The following CACNB2 variants were observed in gnomAD, a reference collection of about 807,000 sequenced individuals.
CACNB2 encodes voltage-dependent L-type calcium channel subunit beta-2.
CACNB2 carries 42 observed loss-of-function variants against 73.3 expected under a neutral mutation model. The observed-to-expected ratio is 0.57, with a 90% confidence interval of 0.45 to 0.74. The LOEUF is 0.74. Ranked by LOEUF, CACNB2 falls within the 30% of genes least tolerant of loss-of-function variation. The probability of loss-of-function intolerance (pLI) is 0.00; values close to 1 mark genes in which losing one functional copy is unlikely to be tolerated. For synonymous variants in CACNB2, 348 were observed against 310.3 expected (o/e 1.12, Z -1.28); for missense variants, 940 against 853.0 (o/e 1.10, Z -1.27).
At chr10:18,160,397 C>T (rs950627850) in intron 2 of CACNB2, among the ~76,000 whole-genome samples, 1 of 152,084 alleles carries the variant, frequency 6.6e-6, no homozygotes, top group African/African-American at 2.4e-5. Flanking sequence ...CTTCAACTCT[C>T]AGATATGCTT....
intron 2 of CACNB2, among the ~76,000 whole-genome samples, chr10:18,381,708 G>C (rs978044320): frequency 6.6e-6 from 1 of 150,508 alleles, no homozygotes; most frequent in Non-Finnish European, 1.5e-5. Flanking sequence ...AAAAAAAAAG[G>C]TTCATTTTAA....
At chr10:18,538,065 G>A in intron 12 of CACNB2, 115 bp from the exon 13 acceptor site, 1 of 945,858 alleles carries the variant, frequency 1.1e-6, no homozygotes, top group East Asian at 2.4e-5. Flanking sequence ...ACTTATAGAA[G>A]CAGGAGCAAG....
chr10:18,487,861 G>T (rs1795815912), intron 3 of CACNB2, among the ~76,000 whole-genome samples: 2 of 151,694 alleles, frequency 1.3e-5, no homozygotes, highest in South Asian at 4.2e-4. Flanking sequence ...AAATGAGATA[G>T]GAAGACATAC....
At chr10:18,356,938 A>ATGTCTTTTTTTTTTTTTT (rs1436280481) in intron 2 of CACNB2, among the ~76,000 whole-genome samples, 1 of 94,444 alleles carries the variant, frequency 1.1e-5, no homozygotes, top group African/African-American at 3.8e-5. Context: ...CCCAGACTCA[A>ATGTCTTTTTTTTTTTTTT]TTTCTTTTTT....
intron 2 of CACNB2, among the ~76,000 whole-genome samples, chr10:18,208,720 C>T (rs1685713062): frequency 7.0e-6 from 1 of 143,674 alleles, no homozygotes; most frequent in Non-Finnish European, 1.6e-5. Context: ...TGGAGCCCAG[C>T]CTGAAAAAGG....
chr10:18,158,994 T>C (rs780685997), intron 2 of CACNB2, among the ~76,000 whole-genome samples: 2 of 152,170 alleles, frequency 1.3e-5, no homozygotes, highest in Non-Finnish European at 2.9e-5. Context: ...CCACTGCTTA[T>C]TTAGTGTAGT....
chr10:18,465,308 C>T (rs527463124), intron 3 of CACNB2, among the ~76,000 whole-genome samples: 37 of 152,126 alleles, frequency 2.4e-4, no homozygotes, highest in South Asian at 8.3e-4. Context: ...CCAGCCTGGG[C>T]GACAAAGCAA....
intron 3 of CACNB2, among the ~76,000 whole-genome samples, chr10:18,454,532 G>T (rs141580942): frequency 6.6e-6 from 1 of 152,146 alleles, no homozygotes; most frequent in Non-Finnish European, 1.5e-5. Flanking sequence ...AAGAACAAAC[G>T]TTTGCCCCCT....
chr10:18,439,272 G>A lies in CACNB2; in HGVS notation c.333+37229G>A, dbSNP rs1203337402. Among the ~76,000 whole-genome samples, 5 of 152,328 alleles carry A rather than the reference G, an allele frequency of 3.3e-5. No homozygotes were observed. The East Asian group carries it at 9.6e-4, about 29-fold the overall frequency. ...ATATGCGGAAGCTAATGGAAGATGA[G>A]GGTTATTTTAGTAAGGTGTGTTTCT... is the stretch of plus-strand genomic sequence containing the variant. On this transcript the variant is annotated intron_variant, in intron 3 of 13. Transcript: ENST00000324631.
intron 2 of CACNB2, among the ~76,000 whole-genome samples, chr10:18,315,112 A>AACT (rs2040111363): frequency 6.6e-6 from 1 of 152,096 alleles, no homozygotes; most frequent in Non-Finnish European, 1.5e-5. Flanking sequence ...CCGGCCGATG[A>AACT]CCTGAGGTCA....
At chr10:18,410,440 C>T (rs1268930841) in intron 3 of CACNB2, among the ~76,000 whole-genome samples, 1 of 152,192 alleles carries the variant, frequency 6.6e-6, no homozygotes, top group Non-Finnish European at 1.5e-5. Context: ...ATTCCCCTAA[C>T]TAGCCTTTGA....
At chr10:18,304,593 G>T (rs1229423911) in intron 2 of CACNB2, among the ~76,000 whole-genome samples, 2 of 152,040 alleles carry the variant, frequency 1.3e-5, no homozygotes, top group African/African-American at 4.8e-5. Flanking sequence ...CTGGCAACCA[G>T]GCTTCGTGGG....
Position 18,474,255 on chromosome 10 carries a change from A to G in CACNB2, c.334-24100A>G, listed in dbSNP as rs1439567256. On this transcript the variant is annotated intron_variant, in intron 3 of 13. Transcript: ENST00000324631. ...ACCCTGCAGACTTGCTGTTTAATGT[A>G]CAAAGAAGCCTAGGGCCGGAGGGGC... Among the ~76,000 whole-genome samples, 4 of 152,186 alleles carry G rather than the reference A, an allele frequency of 2.6e-5. No individual in the cohort carries two copies. In the East Asian group the frequency reaches 5.8e-4, roughly 22 times the overall value.
chr10:18,205,962 C>T, intron 2 of CACNB2, among the ~76,000 whole-genome samples: 1 of 152,044 alleles, frequency 6.6e-6, no homozygotes, highest in East Asian at 1.9e-4. Flanking sequence ...TTCAGTCTCC[C>T]CAGGCCCTCT....
intron 3 of CACNB2, among the ~76,000 whole-genome samples, chr10:18,405,931 A>C (rs1055890556): frequency 6.6e-6 from 1 of 150,886 alleles, no homozygotes; most frequent in African/African-American, 2.5e-5. Context: ...TCACGTGTGC[A>C]ACAGAGCAAG....
chr10:18,373,944 T>C (rs1325992), intron 2 of CACNB2, among the ~76,000 whole-genome samples: 23,762 of 152,128 alleles, frequency 0.16, 2,050 homozygotes, highest in East Asian at 0.24. Context: ...AAGACTTGTG[T>C]AGAGGAATAG....
intron 2 of CACNB2, among the ~76,000 whole-genome samples, chr10:18,202,370 T>G (rs2034918309): frequency 1.3e-5 from 2 of 152,236 alleles, no homozygotes; most frequent in South Asian, 4.1e-4. Flanking sequence ...ATTGAGTACA[T>G]ATACTGATCT....
intron 2 of CACNB2, among the ~76,000 whole-genome samples, chr10:18,224,820 C>T (rs1337440126): frequency 4.6e-5 from 7 of 152,196 alleles, no homozygotes; most frequent in Non-Finnish European, 7.3e-5. Flanking sequence ...CTCCAGATTG[C>T]AGGAGCAGAA....
At chr10:18,340,617 G>A (rs558423717) in intron 2 of CACNB2, 15 of 1,170,992 alleles carry the variant, frequency 1.3e-5, no homozygotes, top group African/African-American at 9.4e-5. Context: ...GTTTGCAGGC[G>A]TCTGTCTTCC....
Sources: gnomAD v4.1 joint callset for allele counts (sites outside exome capture counted in the v4.1 genomes callset) on GRCh38, gnomAD v4.1.1 for gene constraint, MANE v1.5 for transcripts, NCBI Gene and HGNC (gene_info 2026-07-23, HGNC 2026-07-21) for gene names.